Variants in ZNF264 observed in about 807,000 individuals in gnomAD.
ZNF264 encodes the protein zinc finger protein 264.
Under a neutral mutation model 11.2 loss-of-function variants are expected in ZNF264, and 11 were observed. That is an observed-to-expected ratio of 0.98 (90% CI 0.62 to 1.63). ZNF264 has a LOEUF of 1.63. Among genes scored for constraint, ZNF264 ranks in the 40% most tolerant of loss-of-function variants. ZNF264 has a pLI of 0.00. For synonymous variants in ZNF264, 309 were observed against 279.8 expected, an observed-to-expected ratio of 1.10 and a Z score of -1.04; for missense variants, 752 against 768.1, an observed-to-expected ratio of 0.98 and a Z score of 0.25.
intron 2 of ZNF264, among the ~76,000 whole-genome samples, chr19:57,197,177 T>G (rs932892113): frequency 2.6e-5 from 4 of 151,864 alleles, no homozygotes; most frequent in Non-Finnish European, 5.9e-5. Context: ...GTGGAGTCTG[T>G]GGGCATTTGA....
intron 2 of ZNF264, among the ~76,000 whole-genome samples, chr19:57,195,663 C>T (rs1458333872): frequency 6.6e-6 from 1 of 151,852 alleles, no homozygotes; most frequent in East Asian, 1.9e-4. Flanking sequence ...CATGCATACT[C>T]TTCCTTACCT....
At position 57,192,693 on chromosome 19, in the gene ZNF264, G is replaced by A. The variant is rs182454222; in HGVS notation, c.33+747G>A. 5 of 416,146 alleles carry A rather than the reference G, an allele frequency of 1.2e-5. No individual in the cohort carries two copies. In the Admixed American group the frequency reaches 1.9e-4, roughly 16 times the overall value. The allele number at this position is 416,146 out of a possible 1,614,324, so 25.8% of individuals were successfully genotyped here. On this transcript the variant is annotated intron_variant, in intron 1 of 3. Coordinates refer to ENST00000263095, the MANE Select transcript of ZNF264 (RefSeq NM_003417.5). ...CAGCCCTTCCAGTGCCGCTCTGTGGGGTCAGTGAGGAATGCTGAGCTTTTT... is the reference window on the plus strand; with the variant it reads ...CAGCCCTTCCAGTGCCGCTCTGTGGAGTCAGTGAGGAATGCTGAGCTTTTT...
chr19:57,210,254 A>G (rs2087324757), intron 3 of ZNF264, among the ~76,000 whole-genome samples: 1 of 152,096 alleles, frequency 6.6e-6, no homozygotes, highest in East Asian at 1.9e-4. Flanking sequence ...CTTACTGGAA[A>G]ACTGATTTCT....
intron 2 of ZNF264, 61 bp downstream of exon 2, chr19:57,194,062 C>A (rs1283305599): frequency 1.0e-5 from 16 of 1,550,792 alleles, no homozygotes; most frequent in Non-Finnish European, 1.4e-5. Flanking sequence ...ATTCCATCTT[C>A]TGACTCCAGG....
rs2087350601 is a variant in ZNF264 at position 57,212,779 on chromosome 19, A to G, written c.1682A>G (p.His561Arg). 1 of 1,614,116 alleles carries G rather than the reference A, an allele frequency of 6.2e-7. No homozygotes were observed. The highest frequency in any genetic ancestry group is 8.5e-7 in the Non-Finnish European group (1 of 1,179,936). Residue 561 changes from histidine to arginine, a missense_variant, in exon 4 of 4, where the codon CAT (histidine) becomes CGT (arginine). Coordinates refer to ENST00000263095, the MANE Select transcript of ZNF264 (RefSeq NM_003417.5). ...SSSLTQHQRM[H>R]TGKNPISVTD... ...TCCCTCACTCAGCATCAAAGGATGC[A>G]TACTGGGAAAAATCCCATCAGTGTA...
rs59020892 is a variant in ZNF264 at position 57,191,519 on chromosome 19, T to C, written c.-395T>C. 26,444 of 207,126 alleles carry C rather than the reference T, an allele frequency of 0.13. 2,106 individuals are homozygous for C. The highest frequency in any genetic ancestry group is 0.22 in the African/African-American group (9,608 of 43,626). The allele number at this position is 207,126 out of a possible 1,614,324, so 12.8% of individuals were successfully genotyped here. On this transcript the variant is annotated 5_prime_UTR_variant, in exon 1 of 4. Transcript: ENST00000263095. ...GACGCCATTTTCTTCTGCACTTCTG[T>C]CTGGAGAGGTCTGTAGCCACTGAGG...
intron 2 of ZNF264, among the ~76,000 whole-genome samples, chr19:57,201,137 G>A (rs2215048): frequency 0.38 from 58,102 of 151,626 alleles, 11,684 homozygotes; most frequent in Middle Eastern, 0.49. Flanking sequence ...GGGTGGTATT[G>A]TGTTTGCTAG....
intron 2 of ZNF264, among the ~76,000 whole-genome samples, chr19:57,199,951 TG>T (rs2087238951): frequency 6.6e-6 from 1 of 151,310 alleles, no homozygotes; most frequent in Non-Finnish European, 1.5e-5. Context: ...TTGCCACTAT[TG>T]GGGATGCCAT....
chr19:57,191,997 G>A (rs1228525101), intron 1 of ZNF264, 51 bp downstream of exon 1: 3 of 1,480,758 alleles, frequency 2.0e-6, no homozygotes, highest in Non-Finnish European at 2.7e-6. Context: ...GCGCTGAGGC[G>A]GTTTCCGAAG....
intron 2 of ZNF264, among the ~76,000 whole-genome samples, chr19:57,204,236 CTG>C (rs1192665609): frequency 6.9e-6 from 1 of 144,074 alleles, no homozygotes; most frequent in Non-Finnish European, 1.5e-5. Context: ...AAAAAAAAAA[CTG>C]TGTGGCCTTG....
chr19:57,209,999 C>T (rs2087322770), intron 3 of ZNF264, among the ~76,000 whole-genome samples: 1 of 152,064 alleles, frequency 6.6e-6, no homozygotes, highest in Admixed American at 6.5e-5. Flanking sequence ...TGTGTCAAGC[C>T]AGGTCCTCTT....
At position 57,211,793 on chromosome 19, in the gene ZNF264, A is replaced by G. The variant is rs751157703; in HGVS notation, c.696A>G (p.Glu232=). 7.4e-6 allele frequency: 12 copies of G among 1,614,102 alleles called. No individual in the cohort carries two copies. The highest frequency in any genetic ancestry group is 9.3e-6 in the Non-Finnish European group (11 of 1,180,054). ...TTCACTCTGGAGTTAAGCCCTATGA[A>G]TGCACAGAATGTGGGAAAACCTTTA... The part of the protein sequence containing the change: ...EKIHSGVKPY[E]CTECGKTFIK... The change falls in exon 4 of 4, where the codon GAA becomes GAG. Residue 232 remains glutamate, a synonymous_variant. Coordinates refer to ENST00000263095, the MANE Select transcript of ZNF264 (RefSeq NM_003417.5).
intron 2 of ZNF264, among the ~76,000 whole-genome samples, chr19:57,204,435 G>A (rs1421474120): frequency 6.6e-6 from 1 of 152,110 alleles, no homozygotes; most frequent in African/African-American, 2.4e-5. Flanking sequence ...TGAATCATGG[G>A]GACGGGTTTT....
intron 2 of ZNF264, among the ~76,000 whole-genome samples, chr19:57,197,271 T>G (rs1032809776): frequency 9.9e-5 from 15 of 151,718 alleles, no homozygotes; most frequent in Admixed American, 4.6e-4. Flanking sequence ...GATGGAATGC[T>G]GCTGTGCGTG....
Position 57,195,761 on chromosome 19 carries a change from C to T in ZNF264, c.160+1760C>T, listed in dbSNP as rs570803586. 9.9e-5 allele frequency among the ~76,000 whole-genome samples: 15 copies of T among 151,968 alleles called. No homozygotes were observed. In the South Asian group the frequency reaches 2.5e-3, roughly 25 times the overall value. ...TGTAACTCCCTTCTTAGGCTATTGACTTAAAGGTAGGAGGAGCCCAAAGTG... is the reference window on the plus strand; with the variant it reads ...TGTAACTCCCTTCTTAGGCTATTGATTTAAAGGTAGGAGGAGCCCAAAGTG... On this transcript the variant is annotated intron_variant, in intron 2 of 3. Transcript: ENST00000263095.
chr19:57,198,178 C>G (rs1459938595), intron 2 of ZNF264, among the ~76,000 whole-genome samples: 2 of 151,994 alleles, frequency 1.3e-5, no homozygotes, highest in Non-Finnish European at 2.9e-5. Flanking sequence ...TACCAGGTAC[C>G]AGGAGATGTG....
chr19:57,203,347 C>G (rs2087267306), intron 2 of ZNF264, among the ~76,000 whole-genome samples: 2 of 152,066 alleles, frequency 1.3e-5, no homozygotes, highest in Non-Finnish European at 2.9e-5. Context: ...TGTGCTTGTT[C>G]CCAGGGGAGT....
rs149957015 is a variant in ZNF264, at chr19:57,215,875, T to G, written c.*2894T>G. 9.8e-5 allele frequency: 15 copies of G among 152,372 alleles called. No homozygotes were observed. The East Asian group carries it at 1.7e-3, about 18-fold the overall frequency. The allele number at this position is 152,372 out of a possible 1,614,324, so 9.4% of individuals were successfully genotyped here. A position where few individuals can be genotyped will look rare whatever the true frequency, so the allele number is the denominator to read the frequency against. On this transcript the variant is annotated 3_prime_UTR_variant, in exon 4 of 4. Transcript: ENST00000263095. ...GACTGTTTAAATGTGTTAACATTTTTTTATGACCCAGGATAGGGTCTATCT... is the reference window on the plus strand; with the variant it reads ...GACTGTTTAAATGTGTTAACATTTTGTTATGACCCAGGATAGGGTCTATCT...
intron 2 of ZNF264, among the ~76,000 whole-genome samples, chr19:57,198,850 G>T (rs769459246): frequency 6.6e-6 from 1 of 151,858 alleles, no homozygotes; most frequent in Non-Finnish European, 1.5e-5. Flanking sequence ...TAGTGTAGTG[G>T]GGTCCTTCCT....
Sources: gnomAD v4.1 joint callset for allele counts (sites outside exome capture counted in the v4.1 genomes callset) on GRCh38, gnomAD v4.1.1 for gene constraint, MANE v1.5 for transcripts, NCBI Gene and HGNC (gene_info 2026-07-23, HGNC 2026-07-21) for gene names.